The following SLC24A2 variants were observed in gnomAD, a reference collection of about 807,000 sequenced individuals.
SLC24A2 encodes the protein sodium/potassium/calcium exchanger 2.
SLC24A2 carries 36 observed loss-of-function variants against 62.0 expected under a neutral mutation model. That is an observed-to-expected ratio of 0.58 (90% CI 0.44 to 0.77). The LOEUF (loss-of-function observed/expected upper bound fraction) is 0.77. SLC24A2 is among the 30% of genes least tolerant of loss of function. The pLI is 0.00. For missense variants in SLC24A2, 846 were observed against 817.9 expected, an observed-to-expected ratio of 1.03 and a Z score of -0.42; for synonymous variants, 358 against 294.0, an observed-to-expected ratio of 1.22 and a Z score of -2.23.
chr9:19,980,602 T>C, the SLC24A2 span, among the ~76,000 whole-genome samples: 1 of 152,178 alleles, frequency 6.6e-6, no homozygotes, highest in Non-Finnish European at 1.5e-5. Context: ...GAATGTTTAA[T>C]ATGAGGTGGT....
At chr9:19,636,367 C>CTT (rs1439097481) in intron 2 of SLC24A2, among the ~76,000 whole-genome samples, 3 of 35,190 alleles carry the variant, frequency 8.5e-5, no homozygotes, top group East Asian at 5.7e-4. Context: ...TTCTTTCTTT[C>CTT]TTTCTTTCTT....
chr9:19,647,962 G>C (rs1311200941), intron 2 of SLC24A2, among the ~76,000 whole-genome samples: 1 of 152,118 alleles, frequency 6.6e-6, no homozygotes, highest in African/African-American at 2.4e-5. Context: ...TCCTATTGGT[G>C]GTAGTGACAG....
the SLC24A2 span, among the ~76,000 whole-genome samples, chr9:19,889,178 C>T: frequency 6.6e-6 from 1 of 152,180 alleles, no homozygotes; most frequent in African/African-American, 2.4e-5. Context: ...CTGGGAACAT[C>T]CCCAACCTGG....
intron 2 of SLC24A2, among the ~76,000 whole-genome samples, chr9:19,676,064 C>T (rs1564030875): frequency 6.6e-6 from 1 of 152,126 alleles, no homozygotes; most frequent in African/African-American, 2.4e-5. Flanking sequence ...CTACTTCTAC[C>T]CCTGTATTTT....
chr9:19,716,243 G>A (rs1010273670), intron 2 of SLC24A2, among the ~76,000 whole-genome samples: 1 of 151,982 alleles, frequency 6.6e-6, no homozygotes, highest in African/African-American at 2.4e-5. Flanking sequence ...CTATTTAACT[G>A]CACCTGTTCA....
At chr9:20,114,167 G>A in the SLC24A2 span, among the ~76,000 whole-genome samples, 114 of 152,218 alleles carry the variant, frequency 7.5e-4, no homozygotes, top group Middle Eastern at 3.4e-3. Flanking sequence ...AAAGATCTGC[G>A]CAGGAACCCC....
chr9:20,162,153 A>C, the SLC24A2 span, among the ~76,000 whole-genome samples: 1 of 151,690 alleles, frequency 6.6e-6, no homozygotes, highest in Non-Finnish European at 1.5e-5. Flanking sequence ...TATTCCAGGG[A>C]CTGAGGCAGG....
At chr9:20,212,551 ATATG>A in the SLC24A2 span, among the ~76,000 whole-genome samples, 1 of 151,774 alleles carries the variant, frequency 6.6e-6, no homozygotes, top group South Asian at 2.1e-4. Flanking sequence ...CTCGGGAGGC[ATATG>A]TCCATCTATA....
chr9:20,115,441 G>A, the SLC24A2 span, among the ~76,000 whole-genome samples: 1 of 152,064 alleles, frequency 6.6e-6, no homozygotes, highest in African/African-American at 2.4e-5. Context: ...GGGAAACTTA[G>A]AAAGACCCTG....
intron 9 of SLC24A2, among the ~76,000 whole-genome samples, chr9:19,526,166 T>C (rs2132654120): frequency 6.6e-6 from 1 of 152,370 alleles, no homozygotes; most frequent in Middle Eastern, 3.4e-3. Context: ...TCACTCATGT[T>C]GTAGCATGTA....
In SLC24A2 at chr9:19,621,830, G is replaced by T. The variant is rs147444806; in HGVS notation, c.969+431C>A. On this transcript the variant is annotated intron_variant, in intron 3 of 10. Transcript: ENST00000341998. ...TATTATATATACATTAAGTATATAGGTCTCATGCAGCATTTCTTTCTTTTG... is the reference window on the plus strand; with the variant it reads ...TATTATATATACATTAAGTATATAGTTCTCATGCAGCATTTCTTTCTTTTG... 5.2e-3 allele frequency among the ~76,000 whole-genome samples: 798 copies of T among 152,198 alleles called. 7 individuals are homozygous for T. The highest frequency in any genetic ancestry group is 0.018 in the African/African-American group (750 of 41,530).
At chr9:19,541,560 C>G (rs375146826) in intron 8 of SLC24A2, among the ~76,000 whole-genome samples, 21 of 147,302 alleles carry the variant, frequency 1.4e-4, no homozygotes, top group African/African-American at 2.8e-4. Context: ...GCAGTCTGCC[C>G]GTTCTCAGAT....
chr9:19,722,137 T>C (rs1789369397), intron 2 of SLC24A2, among the ~76,000 whole-genome samples: 1 of 152,140 alleles, frequency 6.6e-6, no homozygotes, highest in African/African-American at 2.4e-5. Context: ...AAATGGAAAT[T>C]ACAGAGAAGA....
chr9:19,637,950 T>C (rs1818400715), intron 2 of SLC24A2, among the ~76,000 whole-genome samples: 1 of 152,216 alleles, frequency 6.6e-6, no homozygotes, highest in Non-Finnish European at 1.5e-5. Context: ...TATTTTGTGC[T>C]AGCTTCTGTT....
intron 2 of SLC24A2, among the ~76,000 whole-genome samples, chr9:19,726,187 G>T (rs750520240): frequency 7.9e-5 from 12 of 152,062 alleles, no homozygotes; most frequent in African/African-American, 2.7e-4. Flanking sequence ...ACCTCTTTGC[G>T]CACAAACATT....
chr9:19,950,406 GT>G, the SLC24A2 span, among the ~76,000 whole-genome samples: 7 of 152,120 alleles, frequency 4.6e-5, no homozygotes, highest in African/African-American at 1.7e-4. Context: ...GGCCAGCAAG[GT>G]TTTTGCATAA....
the SLC24A2 span, among the ~76,000 whole-genome samples, chr9:19,882,772 C>A: frequency 3.3e-5 from 5 of 151,992 alleles, no homozygotes; most frequent in East Asian, 7.7e-4. Flanking sequence ...GAATTTAGCT[C>A]AATGATTCAA....
the SLC24A2 span, among the ~76,000 whole-genome samples, chr9:20,235,440 C>T: frequency 1.3e-5 from 2 of 152,154 alleles, no homozygotes; most frequent in African/African-American, 2.4e-5. Context: ...GCAGGTGCCC[C>T]TCCCCCAGCC....
the SLC24A2 span, among the ~76,000 whole-genome samples, chr9:19,867,517 C>T: frequency 1.3e-5 from 2 of 152,052 alleles, no homozygotes; most frequent in Admixed American, 6.5e-5. Context: ...TCTAAGATTG[C>T]TAGTGCTGTC....
Sources: gnomAD v4.1 joint callset for allele counts (sites outside exome capture counted in the v4.1 genomes callset) on GRCh38, gnomAD v4.1.1 for gene constraint, MANE v1.5 for transcripts, NCBI Gene and HGNC (gene_info 2026-07-23, HGNC 2026-07-21) for gene names.